KRABD2: variants seen among roughly 807,000 people sequenced by gnomAD.
The protein encoded by KRABD2 is KRAB domain-containing protein 2.
the KRABD2 span, among the ~76,000 whole-genome samples, chr17:8,366,445 G>A: frequency 3.3e-5 from 5 of 152,236 alleles, no homozygotes; most frequent in South Asian, 2.1e-4. Context: ...GTCACTTCCC[G>A]AAATGCACTG....
At chr17:8,362,441 T>C in the KRABD2 span, among the ~76,000 whole-genome samples, 2,904 of 152,252 alleles carry the variant, frequency 0.019, 90 homozygotes, top group African/African-American at 0.066. The surrounding 1 kb of genome is among the most constrained non-coding windows in gnomAD (Gnocchi z 4.2). Flanking sequence ...GAAGATTCAC[T>C]AGGTGGGTTG....
the KRABD2 span, chr17:8,375,889 C>T: frequency 1.6e-6 from 2 of 1,227,798 alleles, no homozygotes; most frequent in Non-Finnish European, 1.0e-6. Context: ...ATGTTTACTC[C>T]CTTCACCCAC....
chr17:8,358,876 A>T, the KRABD2 span, among the ~76,000 whole-genome samples: 1 of 152,214 alleles, frequency 6.6e-6, no homozygotes, highest in Admixed American at 6.5e-5. Context: ...ATTCTCTTAC[A>T]TAACCACAGT....
At chr17:8,363,830 C>CATATATAT in the KRABD2 span, among the ~76,000 whole-genome samples, 126 of 86,946 alleles carry the variant, frequency 1.4e-3, no homozygotes, top group South Asian at 6.8e-3. Context: ...ATATATCATA[C>CATATATAT]ATATATATAT....
chr17:8,374,419 G>C, the KRABD2 span, among the ~76,000 whole-genome samples: 1 of 152,014 alleles, frequency 6.6e-6, no homozygotes, highest in Non-Finnish European at 1.5e-5. Context: ...ACAGATGCTT[G>C]AAGGCAGCAT....
the KRABD2 span, among the ~76,000 whole-genome samples, chr17:8,374,628 T>TAAAAAAAAAAAAAAA: frequency 1.4e-5 from 1 of 71,434 alleles, no homozygotes. Context: ...CAATAAATAC[T>TAAAAAAAAAAAAAAA]AAAAAAAAAA....
chr17:8,363,813 TACATATATATATCATAC>T, the KRABD2 span, among the ~76,000 whole-genome samples: 7 of 111,436 alleles, frequency 6.3e-5, no homozygotes, highest in South Asian at 2.8e-4. Context: ...ATATATATCA[TACATATATATATCATAC>T]ATATATATAT....
chr17:8,363,847 ATATATATATATATATTTATTTATT>A, the KRABD2 span, among the ~76,000 whole-genome samples: 1 of 88,106 alleles, frequency 1.1e-5, no homozygotes, highest in Admixed American at 1.5e-4. Context: ...ATATATATAT[ATATATATATATATATTTATTTATT>A]TATTTATTTA....
At chr17:8,369,279 T>G in the KRABD2 span, 4 of 1,614,264 alleles carry the variant, frequency 2.5e-6, no homozygotes, top group Non-Finnish European at 3.4e-6. Flanking sequence ...ATTTTCTAGC[T>G]GTTCTTCAGC....
the KRABD2 span, chr17:8,375,638 C>G: frequency 6.5e-6 from 1 of 152,904 alleles, no homozygotes; most frequent in African/African-American, 2.4e-5. Context: ...CCTACCGCAG[C>G]CTCCCAAGTA....
chr17:8,374,088 G>A, the KRABD2 span, among the ~76,000 whole-genome samples: 1 of 152,142 alleles, frequency 6.6e-6, no homozygotes, highest in Non-Finnish European at 1.5e-5. Context: ...GGGAAGTGAG[G>A]GGCCCCTCTG....
At chr17:8,361,200 T>C in the KRABD2 span, among the ~76,000 whole-genome samples, 2 of 152,148 alleles carry the variant, frequency 1.3e-5, no homozygotes, top group Admixed American at 6.5e-5. Flanking sequence ...CTATCTTCTC[T>C]CCATCTCGGA....
At chr17:8,363,830 C>CATACATATATATATATATATAT in the KRABD2 span, among the ~76,000 whole-genome samples, 4 of 86,980 alleles carry the variant, frequency 4.6e-5, no homozygotes, top group African/African-American at 5.4e-5. Context: ...ATATATCATA[C>CATACATATATATATATATATAT]ATATATATAT....
chr17:8,373,159 CCG>C, the KRABD2 span, among the ~76,000 whole-genome samples: 2 of 151,064 alleles, frequency 1.3e-5, no homozygotes, highest in African/African-American at 4.9e-5. Context: ...CTCTCCGTCT[CCG>C]TCTCCGTCTC....
chr17:8,368,931 C>G, the KRABD2 span: 1 of 890,016 alleles, frequency 1.1e-6, no homozygotes, highest in Non-Finnish European at 1.6e-6. Context: ...GCGCTGCGCC[C>G]GGCCAGGTTG....
the KRABD2 span, chr17:8,359,345 A>G: frequency 2.9e-6 from 1 of 346,130 alleles, no homozygotes; most frequent in Non-Finnish European, 5.7e-6. Context: ...GAAGTCCTCT[A>G]ATACAAAGTA....
At chr17:8,375,901 TG>T in the KRABD2 span, 2 of 1,228,562 alleles carry the variant, frequency 1.6e-6, no homozygotes, top group Non-Finnish European at 2.0e-6. Context: ...TTCACCCACC[TG>T]TGAGTCTTCG....
At chr17:8,375,535 C>CT in the KRABD2 span, among the ~76,000 whole-genome samples, 1 of 90,936 alleles carries the variant, frequency 1.1e-5, no homozygotes. Flanking sequence ...TTTTTTCTTT[C>CT]ATTTTTTTTT....
the KRABD2 span, among the ~76,000 whole-genome samples, chr17:8,366,410 AC>A: frequency 6.6e-6 from 1 of 152,200 alleles, no homozygotes; most frequent in East Asian, 1.9e-4. Context: ...TGTTCCAGAA[AC>A]CTTGATTATT....
Sources: gnomAD v4.1 joint callset for allele counts (sites outside exome capture counted in the v4.1 genomes callset) on GRCh38, gnomAD v4.1.1 for gene constraint, Gnocchi (gnomAD v3.1) non-coding constraint, MANE v1.5 for transcripts, NCBI Gene and HGNC (gene_info 2026-07-23, HGNC 2026-07-21) for gene names.